OR7C1: variants seen among roughly 807,000 people sequenced by gnomAD.
OR7C1 encodes olfactory receptor family 7 subfamily C member 1.
For synonymous variants in OR7C1, 152 were observed against 160.7 expected, an observed-to-expected ratio of 0.95 and a Z score of 0.41; for missense variants, 324 against 383.3, an observed-to-expected ratio of 0.85 and a Z score of 1.29.
chr19:14,833,188 T>C (rs975995501), intron 1 of OR7C1, among the ~76,000 whole-genome samples: 6 of 151,716 alleles, frequency 4.0e-5, no homozygotes, highest in Non-Finnish European at 5.9e-5. Context: ...AATTAAAAAC[T>C]TCAATATCGG....
chr19:14,827,757 A>G (rs775714237), intron 1 of OR7C1: 3 of 1,614,160 alleles, frequency 1.9e-6, no homozygotes, highest in South Asian at 1.1e-5. Flanking sequence ...CCGTACTACC[A>G]TTAAGATTTG....
At chr19:14,828,290 C>A (rs749781903) in intron 1 of OR7C1, 5 of 1,558,302 alleles carry the variant, frequency 3.2e-6, no homozygotes, top group Non-Finnish European at 4.3e-6. Context: ...GGAAACGAGA[C>A]AGGCATGCAT....
rs141415832 is a variant in OR7C1 at position 14,828,121 on chromosome 19, C to T, written c.-623+6953G>A. ...GTGGCCAGGATGATGAGCAGGTTCCCGAGCACAGTGACCAGGTACATGGAC... is the reference window on the plus strand; with the variant it reads ...GTGGCCAGGATGATGAGCAGGTTCCTGAGCACAGTGACCAGGTACATGGAC... On this transcript the variant is annotated intron_variant, in intron 1 of 4. Coordinates refer to ENST00000641666, the Ensembl canonical transcript of OR7C1. The T allele has an allele frequency of 2.4e-3, 3,835 of 1,613,998 alleles. 4 individuals carry two copies. The highest frequency in any genetic ancestry group is 4.4e-3 in the Admixed American group (264 of 60,004).
At chr19:14,816,735 C>CAT (rs1599918921) in intron 1 of OR7C1, among the ~76,000 whole-genome samples, 1 of 152,138 alleles carries the variant, frequency 6.6e-6, no homozygotes, top group South Asian at 2.1e-4. Context: ...AACTCCACTT[C>CAT]ATATATATAT....
intron 1 of OR7C1, among the ~76,000 whole-genome samples, chr19:14,823,403 G>C (rs1378733621): frequency 6.6e-6 from 1 of 152,204 alleles, no homozygotes; most frequent in Non-Finnish European, 1.5e-5. Context: ...GGTGAGCCAA[G>C]GTTGTGCCAC....
intron 1 of OR7C1, among the ~76,000 whole-genome samples, chr19:14,830,645 C>T (rs1297195516): frequency 2.6e-5 from 4 of 152,156 alleles, no homozygotes; most frequent in East Asian, 3.9e-4. Flanking sequence ...TTAATTATGT[C>T]GGTTTTAATG....
chr19:14,824,566 T>G (rs375029136), intron 1 of OR7C1: 12 of 152,352 alleles, frequency 7.9e-5, no homozygotes, highest in African/African-American at 2.9e-4. Context: ...TTTTCTTTTT[T>G]ATGGCTGCAT....
At chr19:14,823,799 A>T (rs2044752306) in intron 1 of OR7C1, among the ~76,000 whole-genome samples, 1 of 151,584 alleles carries the variant, frequency 6.6e-6, no homozygotes, top group Admixed American at 6.6e-5. Flanking sequence ...TTTTCATTTA[A>T]TTTTTGTATA....
At chr19:14,821,231 T>A (rs955760442) in intron 1 of OR7C1, among the ~76,000 whole-genome samples, 5 of 152,056 alleles carry the variant, frequency 3.3e-5, no homozygotes, top group Admixed American at 3.3e-4. Context: ...AGAGTGAAAC[T>A]CTGTCTCAAA....
rs183712974 is a variant in OR7C1, at chr19:14,799,739, G to T, written c.398C>A (p.Thr133Lys). The change falls in exon 5 of 5, where the codon ACG becomes AAG. Residue 133 changes from threonine to lysine, a missense_variant. By Grantham distance (78) the Thr-to-Lys change is moderately conservative. Transcript: ENST00000641666. ...ACAGAGCTGGGGGTTCATGATGACC[G>T]TATAGTGCAGGGGGTGACAGACGGC... 1.9e-6 allele frequency: 3 copies of T among 1,613,922 alleles called. No individual in the cohort carries two copies. In the Admixed American group the frequency reaches 5.0e-5, roughly 27 times the overall value.
At chr19:14,799,411 A>G (rs1193737067) in exon 5 of OR7C1, 2 of 1,614,100 alleles carry the variant, frequency 1.2e-6, no homozygotes, top group African/African-American at 1.3e-5. Flanking sequence ...AGAGGTGGGA[A>G]CCACAGGTGG....
intron 1 of OR7C1, among the ~76,000 whole-genome samples, chr19:14,822,867 GTTAC>G (rs1337338244): frequency 1.3e-5 from 2 of 150,854 alleles, no homozygotes; most frequent in Non-Finnish European, 3.0e-5. Flanking sequence ...TTTAAACTGG[GTTAC>G]TTGTTTCCTT....
intron 1 of OR7C1, chr19:14,825,566 C>G (rs2044761801): frequency 6.6e-6 from 1 of 152,242 alleles, no homozygotes; most frequent in Admixed American, 6.5e-5. Context: ...TTCTGTTGCT[C>G]TCTCCTGTAA....
intron 1 of OR7C1, among the ~76,000 whole-genome samples, chr19:14,829,726 C>G (rs192740948): frequency 3.9e-5 from 6 of 152,194 alleles, no homozygotes; most frequent in African/African-American, 1.4e-4. Context: ...AATGCATCCC[C>G]TCTTTATTTC....
intron 2 of OR7C1, among the ~76,000 whole-genome samples, chr19:14,808,923 C>T (rs2044678260): frequency 6.6e-6 from 1 of 151,984 alleles, no homozygotes; most frequent in Admixed American, 6.6e-5. Context: ...TGTAATTATG[C>T]ACCTCGTTGT....
chr19:14,810,191 A>G (rs1358023264), intron 1 of OR7C1, among the ~76,000 whole-genome samples, 198 bp from the exon 2 acceptor site: 2 of 151,668 alleles, frequency 1.3e-5, no homozygotes, highest in Non-Finnish European at 2.9e-5. Context: ...ATTCCTTTCT[A>G]TTCGATGGTT....
intron 2 of OR7C1, among the ~76,000 whole-genome samples, chr19:14,809,579 G>GATTGAAAGCAAGAAGAAACAGAA (rs1568249029): frequency 1.3e-5 from 2 of 151,738 alleles, no homozygotes; most frequent in Non-Finnish European, 2.9e-5. Flanking sequence ...AAGAAACAGA[G>GATTGAAAGCAAGAAGAAACAGAA]ATTGAAAGCA....
At chr19:14,810,458 C>T (rs1036345948) in intron 1 of OR7C1, among the ~76,000 whole-genome samples, 1 of 151,628 alleles carries the variant, frequency 6.6e-6, no homozygotes. Flanking sequence ...TGGCTCACTG[C>T]AAGCTCCACC....
chr19:14,812,071 C>T (rs1269490270), intron 1 of OR7C1, among the ~76,000 whole-genome samples: 1 of 150,142 alleles, frequency 6.7e-6, no homozygotes, highest in Non-Finnish European at 1.5e-5. Context: ...AGCTCTGCTT[C>T]ATGCTGTGGA....
Sources: gnomAD v4.1 joint callset for allele counts (sites outside exome capture counted in the v4.1 genomes callset) on GRCh38, gnomAD v4.1.1 for gene constraint, MANE v1.5 for transcripts, NCBI Gene and HGNC (gene_info 2026-07-23, HGNC 2026-07-21) for gene names.